RNF19A: variants seen among roughly 807,000 people sequenced by gnomAD.
RNF19A encodes the protein ring finger protein 19A, RBR E3 ubiquitin protein ligase, also known as E3 ubiquitin-protein ligase RNF19A.
In RNF19A, 32 loss-of-function variants were observed where a neutral mutation model predicts 75.7. That is an observed-to-expected ratio of 0.42 (90% confidence interval 0.32 to 0.57). The LOEUF is 0.57. Among genes scored for constraint, RNF19A ranks in the 20% least tolerant of loss-of-function variants. RNF19A has a pLI of 0.10. For synonymous variants in RNF19A, 335 were observed against 345.2 expected (o/e 0.97, Z 0.33); for missense variants, 782 against 1,036.3 (o/e 0.75, Z 3.37).
intron 1 of RNF19A, among the ~76,000 whole-genome samples, chr8:100,295,492 G>A (rs2130063993): frequency 6.6e-6 from 1 of 152,182 alleles, no homozygotes; most frequent in Admixed American, 6.5e-5. Flanking sequence ...AAAAGGTGGG[G>A]AAATCCTCAA....
intron 2 of RNF19A, among the ~76,000 whole-genome samples, chr8:100,283,082 C>A (rs759631191): frequency 2.0e-5 from 3 of 152,122 alleles, no homozygotes; most frequent in Non-Finnish European, 2.9e-5. Flanking sequence ...TCTGGAGGAT[C>A]CTTGGGAGGC....
chr8:100,288,323 T>A, intron 1 of RNF19A, 56 bp from the exon 2 acceptor site: 2 of 1,122,434 alleles, frequency 1.8e-6, no homozygotes, highest in Non-Finnish European at 2.3e-6. Context: ...TTAGTTTGTA[T>A]ATTTTTATAA....
intron 1 of RNF19A, among the ~76,000 whole-genome samples, chr8:100,316,537 C>A (rs1165004429): frequency 6.6e-6 from 1 of 152,128 alleles, no homozygotes; most frequent in Admixed American, 6.5e-5. Context: ...TACAGAGTAT[C>A]AACACAAAGG....
rs757878335 is a variant in RNF19A, at chr8:100,324,731, A to G, written c.-242-11359T>C. On this transcript the variant is annotated intron_variant, in intron 1 of 3. Transcript: ENST00000519527. The surrounding 1 kb of genome is among the most constrained non-coding windows in gnomAD (Gnocchi z 4.2). Reference sequence around the variant, plus strand: ...CAAAATAAATAAACAGAACTTCATGACAAGACATTTTAACAAGAGATGATA... The same window carrying G: ...CAAAATAAATAAACAGAACTTCATGGCAAGACATTTTAACAAGAGATGATA... 4.6e-5 allele frequency among the ~76,000 whole-genome samples: 7 copies of G among 152,236 alleles called. No individual in the cohort carries two copies. Among genetic ancestry groups the G allele is most frequent in the Non-Finnish European group, 7.3e-5 (5 of 68,040 alleles).
chr8:100,294,319 C>T (rs1206068821), intron 1 of RNF19A, among the ~76,000 whole-genome samples: 1 of 152,098 alleles, frequency 6.6e-6, no homozygotes, highest in East Asian at 1.9e-4. Context: ...CTGTGGAAAG[C>T]ACCCATGTTT....
Position 100,330,621 on chromosome 8 carries a change from G to A in RNF19A, c.-243+5487C>T, listed in dbSNP as rs1013026442. 6.6e-6 allele frequency among the ~76,000 whole-genome samples: 1 copy of A among 152,226 alleles called. No homozygotes were observed. Among genetic ancestry groups the A allele is most frequent in the Non-Finnish European group, 1.5e-5 (1 of 68,044 alleles). ...CACAGAAAAGTGGGTGTTGGGGAGGGTGGAGAAAGAGAACGAATATCCTGA... is the reference window on the plus strand; with the variant it reads ...CACAGAAAAGTGGGTGTTGGGGAGGATGGAGAAAGAGAACGAATATCCTGA... On this transcript the variant is annotated intron_variant, in intron 1 of 3. Transcript: ENST00000519527. This position sits in a 1 kb window ranked among gnomAD's most constrained non-coding sequence, Gnocchi z 4.1.
In RNF19A at chr8:100,264,026, G is replaced by T; in HGVS notation, c.1468+8C>A. On this transcript the variant is annotated splice_region_variant and intron_variant, in intron 7 of 9. Transcript: ENST00000341084. This position sits in a 1 kb window ranked among gnomAD's most constrained non-coding sequence, Gnocchi z 4.7. ...AGCACATTTTCTTCCTTTGCTTAAAGGACTTACCTACAGCTGTGTTAGTTC... is the reference window on the plus strand; with the variant it reads ...AGCACATTTTCTTCCTTTGCTTAAATGACTTACCTACAGCTGTGTTAGTTC... 6.2e-7 allele frequency: 1 copy of T among 1,610,250 alleles called. No homozygotes were observed.
intron 1 of RNF19A, among the ~76,000 whole-genome samples, chr8:100,320,209 T>C (rs1255458361): frequency 6.6e-6 from 1 of 152,236 alleles, no homozygotes. Context: ...TGTTTTATAT[T>C]TTAAATAGTT....
Position 100,258,933 on chromosome 8 carries a change from T to C in RNF19A, c.2140A>G (p.Ser714Gly). Residue 714 changes from serine (S) to glycine (G), a missense_variant, in exon 10 of 10, where the codon AGT (serine) becomes GGT (glycine). Coordinates refer to ENST00000341084, the MANE Select transcript of RNF19A (RefSeq NM_183419.4). The surrounding 1 kb of genome is among the most constrained non-coding windows in gnomAD (Gnocchi z 4.3). ...NSSEFEAPSLSDSMPSVADSH... is the reference protein window; with the variant it reads ...NSSEFEAPSLGDSMPSVADSH... ...TCTGCTACAGAAGGCATACTGTCAC[T>C]GAGGGATGGAGCCTCAAATTCACTT... is the stretch of plus-strand genomic sequence containing the variant. 1.9e-6 allele frequency: 3 copies of C among 1,614,266 alleles called. No homozygotes were observed. Among genetic ancestry groups the C allele is most frequent in the Non-Finnish European group, 2.5e-6 (3 of 1,180,050 alleles).
chr8:100,321,297 T>C (rs1822462558), intron 1 of RNF19A, among the ~76,000 whole-genome samples: 1 of 152,256 alleles, frequency 6.6e-6, no homozygotes, highest in Admixed American at 6.5e-5. Context: ...GAATCCTTTG[T>C]TGCCATTTCA....
rs938627357 is a variant in RNF19A at position 100,323,413 on chromosome 8, A to G, written c.-242-10041T>C. On this transcript the variant is annotated intron_variant, in intron 1 of 3. Transcript: ENST00000519527. This position sits in a 1 kb window ranked among gnomAD's most constrained non-coding sequence, Gnocchi z 4.6. ...AAGAAGAAAACAGTAGAGAAAGGCA[A>G]CTAAGTAGAAAATAACTCCTGCTGG... Among the ~76,000 whole-genome samples the G allele has an allele frequency of 1.3e-5, 2 of 152,234 alleles. No homozygotes were observed. Among genetic ancestry groups the G allele is most frequent in the Non-Finnish European group, 2.9e-5 (2 of 68,042 alleles).
intron 1 of RNF19A, among the ~76,000 whole-genome samples, chr8:100,334,242 T>C (rs1407331773): frequency 6.6e-6 from 1 of 152,242 alleles, no homozygotes; most frequent in Non-Finnish European, 1.5e-5. Flanking sequence ...CTGCCACCAT[T>C]TCTTGTGTGC....
intron 1 of RNF19A, among the ~76,000 whole-genome samples, chr8:100,316,039 G>A (rs967175141): frequency 4.6e-5 from 7 of 152,112 alleles, no homozygotes; most frequent in Admixed American, 1.3e-4. Context: ...TTAAGGTGGC[G>A]CATCTGGAGT....
chr8:100,272,686 G>A (rs770496127), intron 3 of RNF19A, among the ~76,000 whole-genome samples: 4 of 152,180 alleles, frequency 2.6e-5, no homozygotes, highest in Middle Eastern at 3.4e-3. Context: ...CACCACTAGA[G>A]ATGCACACCA....
intron 3 of RNF19A, among the ~76,000 whole-genome samples, chr8:100,273,279 G>A (rs1275386641): frequency 6.6e-6 from 1 of 152,102 alleles, no homozygotes; most frequent in East Asian, 1.9e-4. Context: ...CATTTGGTAA[G>A]GTTTTCTTTC....
chr8:100,273,274 G>T (rs1010034509), intron 3 of RNF19A, among the ~76,000 whole-genome samples: 6 of 152,078 alleles, frequency 3.9e-5, no homozygotes, highest in Admixed American at 2.0e-4. Flanking sequence ...AAAAGCATTT[G>T]GTAAGGTTTT....
chr8:100,264,798 A>C lies in RNF19A; in HGVS notation c.1192-13T>G. On this transcript the variant is annotated splice_polypyrimidine_tract_variant and intron_variant, in intron 5 of 9. Coordinates refer to ENST00000341084, the MANE Select transcript of RNF19A (RefSeq NM_183419.4). The surrounding 1 kb of genome is among the most constrained non-coding windows in gnomAD (Gnocchi z 4.7). The stretch of plus-strand genomic sequence containing the variant: ...AGCGATTGTGAATCTTGAATTAATA[A>C]AAATAGGGGTGGGGGATTAAAGAGA... The C allele has an allele frequency of 6.4e-7, 1 of 1,553,988 alleles. No homozygotes were observed. Among genetic ancestry groups the C allele is most frequent in the Non-Finnish European group, 8.9e-7 (1 of 1,125,544 alleles).
chr8:100,326,989 C>T (rs573549871), intron 1 of RNF19A, among the ~76,000 whole-genome samples: 18 of 152,196 alleles, frequency 1.2e-4, no homozygotes, highest in Admixed American at 4.6e-4. Flanking sequence ...CTGGTCTAAA[C>T]GTTCTGATTA....
chr8:100,309,459 C>T, intron 1 of RNF19A: 1 of 985,502 alleles, frequency 1.0e-6, no homozygotes, highest in Non-Finnish European at 1.2e-6. Context: ...CCGCGGCAAC[C>T]GCCCTTGGGT....
Sources: gnomAD v4.1 joint callset for allele counts (sites outside exome capture counted in the v4.1 genomes callset) on GRCh38, gnomAD v4.1.1 for gene constraint, Gnocchi (gnomAD v3.1) non-coding constraint, MANE v1.5 for transcripts, NCBI Gene and HGNC (gene_info 2026-07-23, HGNC 2026-07-21) for gene names.